BCKDHB: variants seen among roughly 807,000 people sequenced by gnomAD.
BCKDHB encodes the protein 2-oxoisovalerate dehydrogenase subunit beta, mitochondrial.
A neutral mutation model predicts 48.5 loss-of-function variants in BCKDHB; 41 were observed. That is an observed-to-expected ratio of 0.85 (90% CI 0.66 to 1.10). The LOEUF is 1.10. Ranked by LOEUF, BCKDHB falls within the 50% of genes least tolerant of loss-of-function variation. The probability of loss-of-function intolerance (pLI) is 0.00; values close to 1 mark genes in which losing one functional copy is unlikely to be tolerated. For synonymous variants in BCKDHB, 201 were observed against 174.8 expected (o/e 1.15, Z -1.18); for missense variants, 496 against 494.2 (o/e 1.00, Z -0.03).
Position 80,273,128 on chromosome 6 carries a change from CTT to C in BCKDHB, c.952-5_952-4del, listed in dbSNP as rs1251681782. 6.2e-7 allele frequency: 1 copy of C among 1,611,514 alleles called. No individual in the cohort carries two copies. Among genetic ancestry groups the C allele is most frequent in the South Asian group, 1.1e-5 (1 of 91,014 alleles). ...TTTTAACATCAGGTTTTTCTTTTCT[CTT>C]TCAGTCTGTGATCAAAACAGGGCGA... On this transcript the variant is annotated splice_polypyrimidine_tract_variant and splice_region_variant and intron_variant, in intron 8 of 9. Transcript: ENST00000320393.
At chr6:80,110,608 T>C (rs1769362912) in intron 1 of BCKDHB, among the ~76,000 whole-genome samples, 1 of 152,124 alleles carries the variant, frequency 6.6e-6, no homozygotes. Context: ...GGCAAAAAGG[T>C]ATTGGGATTC....
At chr6:80,194,672 C>G (rs1294346105) in intron 6 of BCKDHB, among the ~76,000 whole-genome samples, 2 of 152,146 alleles carry the variant, frequency 1.3e-5, no homozygotes, top group Non-Finnish European at 2.9e-5. Context: ...AGAAGTGATA[C>G]AAGTGACAGA....
rs542083727 is a variant in BCKDHB, at chr6:80,331,445, T to A, written c.1039-12219T>A. Among the ~76,000 whole-genome samples the A allele has an allele frequency of 3.4e-4, 52 of 152,326 alleles. No individual in the cohort carries two copies. The South Asian group carries it at 0.011, about 31-fold the overall frequency. ...CAAAATGACCTTTATACTTTTATTC[T>A]TGTGAGCTATGGAGCTTAAAAGCAA... On this transcript the variant is annotated intron_variant, in intron 9 of 9. Transcript: ENST00000320393.
intron 8 of BCKDHB, among the ~76,000 whole-genome samples, chr6:80,256,441 T>C (rs562503982): frequency 2.6e-5 from 4 of 152,134 alleles, no homozygotes; most frequent in Non-Finnish European, 4.4e-5. Flanking sequence ...TCAAAACATA[T>C]CTAAACATAG....
the BCKDHB span, among the ~76,000 whole-genome samples, chr6:80,378,677 G>T: frequency 4.6e-5 from 7 of 152,120 alleles, no homozygotes; most frequent in East Asian, 1.2e-3. Flanking sequence ...TGAATCAAAT[G>T]GTAGTTCTAT....
chr6:80,351,561 T>G, the BCKDHB span, among the ~76,000 whole-genome samples: 19 of 151,940 alleles, frequency 1.3e-4, no homozygotes, highest in Admixed American at 3.9e-4. Context: ...CTGTGACTGG[T>G]GAAGGAATAG....
the BCKDHB span, among the ~76,000 whole-genome samples, chr6:80,434,127 AT>A: frequency 6.6e-6 from 1 of 151,070 alleles, no homozygotes; most frequent in Non-Finnish European, 1.5e-5. Context: ...TGGGTTAACA[AT>A]TTTTTTTTCT....
Position 80,132,226 on chromosome 6 carries a change from C to T in BCKDHB, c.343+2997C>T, listed in dbSNP as rs528333136. Among the ~76,000 whole-genome samples the T allele has an allele frequency of 1.9e-3, 289 of 151,930 alleles. 3 individuals are homozygous for T. Among genetic ancestry groups the T allele is most frequent in the African/African-American group, 6.1e-3 (252 of 41,452 alleles). On this transcript the variant is annotated intron_variant, in intron 3 of 9. Transcript: ENST00000320393. ...AGAAGATTCCCCTGTGAAACTCTTC[C>T]GGACCCTCCAAGCAGACTCAGGCAG...
intron 6 of BCKDHB, among the ~76,000 whole-genome samples, chr6:80,186,256 C>T (rs1773634655): frequency 6.6e-6 from 1 of 152,132 alleles, no homozygotes; most frequent in African/African-American, 2.4e-5. Flanking sequence ...CTCAGACTCT[C>T]CTTGAGCAGG....
chr6:80,374,445 C>A, the BCKDHB span: 1 of 759,350 alleles, frequency 1.3e-6, no homozygotes, highest in Non-Finnish European at 2.5e-6. Context: ...TGTGGCTTTT[C>A]ATATATGCAT....
At chr6:80,422,169 C>G in the BCKDHB span, among the ~76,000 whole-genome samples, 1 of 152,168 alleles carries the variant, frequency 6.6e-6, no homozygotes, top group Non-Finnish European at 1.5e-5. Flanking sequence ...TGCTCCATCC[C>G]CAGTCCTGGC....
the BCKDHB span, chr6:80,374,112 T>G: frequency 2.8e-6 from 2 of 705,654 alleles, no homozygotes; most frequent in Non-Finnish European, 5.2e-6. Flanking sequence ...AATCTGTTCC[T>G]TTTCAGTAAG....
the BCKDHB span, among the ~76,000 whole-genome samples, chr6:80,352,424 G>C: frequency 1.3e-5 from 2 of 152,168 alleles, no homozygotes; most frequent in Non-Finnish European, 2.9e-5. Flanking sequence ...TAGAGAGTCA[G>C]TCAATCAACC....
chr6:80,259,796 C>T (rs1777215914), intron 8 of BCKDHB, among the ~76,000 whole-genome samples: 1 of 152,010 alleles, frequency 6.6e-6, no homozygotes, highest in Non-Finnish European at 1.5e-5. Flanking sequence ...TGAGTAAAGC[C>T]AAAAACCCAA....
the BCKDHB span, among the ~76,000 whole-genome samples, chr6:80,392,743 A>G: frequency 6.6e-6 from 1 of 151,680 alleles, no homozygotes; most frequent in African/African-American, 2.4e-5. Flanking sequence ...TTTAAATTAA[A>G]TTATATTTAA....
intron 8 of BCKDHB, among the ~76,000 whole-genome samples, chr6:80,214,520 A>T (rs1775079872): frequency 6.6e-6 from 1 of 152,174 alleles, no homozygotes; most frequent in Non-Finnish European, 1.5e-5. Flanking sequence ...AGGGGAGCAG[A>T]GGGGGACAGA....
At chr6:80,121,059 C>A (rs946036840) in intron 1 of BCKDHB, among the ~76,000 whole-genome samples, 1 of 152,166 alleles carries the variant, frequency 6.6e-6, no homozygotes, top group Non-Finnish European at 1.5e-5. Context: ...AGGAAGGGAT[C>A]CAGTTTCAGC....
chr6:80,440,778 A>C, the BCKDHB span: 3 of 152,210 alleles, frequency 2.0e-5, no homozygotes, highest in South Asian at 6.2e-4. Context: ...TGCCTGCCGA[A>C]GGACCTGGGC....
At chr6:80,438,259 A>G in the BCKDHB span, among the ~76,000 whole-genome samples, 3 of 152,226 alleles carry the variant, frequency 2.0e-5, no homozygotes, top group Non-Finnish European at 2.9e-5. Flanking sequence ...TGTTCTTACT[A>G]CATCCTAGTT....
Sources: allele counts gnomAD v4.1 joint callset (sites outside exome capture counted in the v4.1 genomes callset), GRCh38; gene constraint gnomAD v4.1.1; transcripts MANE v1.5; gene names NCBI Gene and HGNC (gene_info 2026-07-23, HGNC 2026-07-21).